The following ARID2 variants were observed in gnomAD, a reference collection of about 807,000 sequenced individuals.
The protein encoded by ARID2 is AT-rich interaction domain 2.
ARID2 carries 32 observed loss-of-function variants against 184.6 expected under a neutral mutation model. That is an observed-to-expected ratio of 0.17 (90% CI 0.13 to 0.23). The LOEUF (loss-of-function observed/expected upper bound fraction) is 0.23, where lower values mean the gene tolerates loss of function less well. ARID2 is among the 10% of genes least tolerant of loss of function. The pLI is 1.00. For missense variants in ARID2, 1,696 were observed against 2,197.6 expected, an observed-to-expected ratio of 0.77 and a Z score of 4.56; for synonymous variants, 836 against 772.6, an observed-to-expected ratio of 1.08 and a Z score of -1.36.
At chr12:45,904,689 C>CAA (rs755707280) in intron 20 of ARID2, among the ~76,000 whole-genome samples, 604 of 35,008 alleles carry the variant, frequency 0.017, 15 homozygotes, top group African/African-American at 0.029. Flanking sequence ...GACTCCTTCT[C>CAA]AAAAAAAAAA....
intron 3 of ARID2, among the ~76,000 whole-genome samples, chr12:45,733,771 T>G (rs1412763252): frequency 6.6e-6 from 1 of 152,240 alleles, no homozygotes; most frequent in Non-Finnish European, 1.5e-5. Flanking sequence ...TTGTTATTTT[T>G]GATACAAATA....
At chr12:45,746,952 G>A (rs1166101683) in intron 3 of ARID2, among the ~76,000 whole-genome samples, 1 of 152,002 alleles carries the variant, frequency 6.6e-6, no homozygotes, top group Non-Finnish European at 1.5e-5. Context: ...TGTATTTTAG[G>A]TAGAGATGGG....
chr12:45,804,302 T>C (rs1942559108), intron 3 of ARID2, among the ~76,000 whole-genome samples: 2 of 152,168 alleles, frequency 1.3e-5, no homozygotes, highest in Admixed American at 1.3e-4. Flanking sequence ...CTTCATTTTA[T>C]TAAATTCCCT....
intron 3 of ARID2, among the ~76,000 whole-genome samples, chr12:45,789,952 C>CA (rs1373577937): frequency 6.6e-6 from 1 of 151,836 alleles, no homozygotes; most frequent in Non-Finnish European, 1.5e-5. Context: ...TCCTCTCTAC[C>CA]AAAAAAACCA....
intron 3 of ARID2, among the ~76,000 whole-genome samples, chr12:45,743,829 A>G (rs185493133): frequency 2.6e-4 from 40 of 152,236 alleles, no homozygotes; most frequent in Admixed American, 1.8e-3. Context: ...GGGTTTGAAC[A>G]TTTCTAAAGT....
chr12:45,869,751 C>T (rs1383309763), intron 16 of ARID2, among the ~76,000 whole-genome samples: 1 of 150,978 alleles, frequency 6.6e-6, no homozygotes, highest in Non-Finnish European at 1.5e-5. Flanking sequence ...GGCGTGGTGG[C>T]GGGCGACTGT....
Position 45,757,894 on chromosome 12 carries a change from T to C in ARID2, c.284+26580T>C, listed in dbSNP as rs774199828. 3.3e-5 allele frequency among the ~76,000 whole-genome samples: 5 copies of C among 152,202 alleles called. No individual in the cohort carries two copies. In the East Asian group the frequency reaches 9.6e-4, roughly 29 times the overall value. ...TATTCTTGAACTGGTGGAATAGACA[T>C]GGTGCTTGCTTCAATTATCCGTTAA... On this transcript the variant is annotated intron_variant, in intron 3 of 20. Coordinates refer to ENST00000334344, the MANE Select transcript of ARID2 (RefSeq NM_152641.4).
At chr12:45,788,335 CATTGAGGATTAGAT>C (rs1251070647) in intron 3 of ARID2, among the ~76,000 whole-genome samples, 1 of 152,068 alleles carries the variant, frequency 6.6e-6, no homozygotes, top group African/African-American at 2.4e-5. Context: ...GTCTGTTTTA[CATTGAGGATTAGAT>C]AAATTATCAA....
At chr12:45,790,243 A>G (rs939563943) in intron 3 of ARID2, among the ~76,000 whole-genome samples, 2 of 152,144 alleles carry the variant, frequency 1.3e-5, no homozygotes, top group Non-Finnish European at 2.9e-5. Flanking sequence ...TATGATGCTT[A>G]AAAATACCTT....
At chr12:45,756,887 A>G (rs1399270490) in intron 3 of ARID2, among the ~76,000 whole-genome samples, 2 of 152,216 alleles carry the variant, frequency 1.3e-5, no homozygotes, top group Non-Finnish European at 2.9e-5. Context: ...CAACAGAATG[A>G]GACTCTGCCT....
intron 6 of ARID2, among the ~76,000 whole-genome samples, chr12:45,825,943 G>A (rs1942990811): frequency 6.6e-6 from 1 of 152,070 alleles, no homozygotes; most frequent in South Asian, 2.1e-4. Context: ...GATTTTAGAT[G>A]TTTAAATAGT....
In ARID2 at chr12:45,905,550, C is replaced by A. The variant is rs1944513694; in HGVS notation, c.*472C>A. 3 of 233,196 alleles carry A rather than the reference C, an allele frequency of 1.3e-5. No individual in the cohort carries two copies. Among genetic ancestry groups the A allele is most frequent in the African/African-American group, 6.6e-5 (3 of 45,288 alleles). 14.4% of individuals were successfully genotyped at this position (233,196 alleles called of 1,614,324 possible). Reference sequence around the variant, plus strand: ...TAAAAAAGTTTCAGCACACCTATACCCCCGATCTCAGAGGGGGCCACCAAT... The same window carrying A: ...TAAAAAAGTTTCAGCACACCTATACACCCGATCTCAGAGGGGGCCACCAAT... On this transcript the variant is annotated 3_prime_UTR_variant, in exon 21 of 21. Coordinates refer to ENST00000334344, the MANE Select transcript of ARID2 (RefSeq NM_152641.4).
At chr12:45,842,215 GCAAGAA>G (rs1313470968) in intron 11 of ARID2, 36 of 144,848 alleles carry the variant, frequency 2.5e-4, no homozygotes, top group African/African-American at 9.0e-4. Context: ...AGGCAGTAGA[GCAAGAA>G]CCTGGTCTAT....
intron 4 of ARID2, among the ~76,000 whole-genome samples, chr12:45,812,695 T>G (rs1480614562): frequency 6.6e-6 from 1 of 152,214 alleles, no homozygotes; most frequent in East Asian, 1.9e-4. Flanking sequence ...TTAGGTGATG[T>G]GCTCCTTGTT....
chr12:45,734,606 A>G (rs1941073279), intron 3 of ARID2, among the ~76,000 whole-genome samples: 1 of 152,024 alleles, frequency 6.6e-6, no homozygotes, highest in Non-Finnish European at 1.5e-5. Flanking sequence ...CTTAGGGAAC[A>G]TTTCATTAAT....
At chr12:45,841,916 T>A (rs1943348131) in intron 11 of ARID2, 1 of 152,164 alleles carries the variant, frequency 6.6e-6, no homozygotes, top group Non-Finnish European at 1.5e-5. Flanking sequence ...AAATAGACAT[T>A]TTTAAAGTTT....
At chr12:45,865,220 T>C (rs1270884683) in intron 16 of ARID2, among the ~76,000 whole-genome samples, 1 of 152,150 alleles carries the variant, frequency 6.6e-6, no homozygotes, top group Non-Finnish European at 1.5e-5. Flanking sequence ...ACAAGGTTTT[T>C]ACTTCGTTTT....
chr12:45,741,693 T>C (rs1348886713), intron 3 of ARID2, among the ~76,000 whole-genome samples: 1 of 152,192 alleles, frequency 6.6e-6, no homozygotes, highest in African/African-American at 2.4e-5. Context: ...CCCTTCCTTT[T>C]TGACAAAATA....
chr12:45,730,763 G>C (rs1565574281), intron 2 of ARID2, among the ~76,000 whole-genome samples: 1 of 152,056 alleles, frequency 6.6e-6, no homozygotes, highest in African/African-American at 2.4e-5. Flanking sequence ...CCTCAAAGAA[G>C]GGCCTATGGA....
Sources: gnomAD v4.1 joint callset for allele counts (sites outside exome capture counted in the v4.1 genomes callset) on GRCh38, gnomAD v4.1.1 for gene constraint, MANE v1.5 for transcripts, NCBI Gene and HGNC (gene_info 2026-07-23, HGNC 2026-07-21) for gene names.